Variants in F11 observed in about 807,000 individuals in gnomAD.
F11 encodes the protein coagualtion factor XI.
A neutral mutation model predicts 76.5 loss-of-function variants in F11; 78 were observed. The observed-to-expected ratio is 1.02, with a 90% CI of 0.85 to 1.23. The LOEUF is 1.23. F11 is among the 50% of genes most tolerant of loss of function. The pLI is 0.00. For missense variants in F11, 742 were observed against 771.4 expected (o/e 0.96, Z 0.45); for synonymous variants, 278 against 276.3 (o/e 1.01, Z -0.06).
intron 5 of F11, chr4:186,275,145 C>A (rs1740265973): frequency 4.4e-6 from 2 of 456,906 alleles, no homozygotes; most frequent in Non-Finnish European, 8.8e-6. Flanking sequence ...ATGTGAACTG[C>A]AAGACAAGAA....
chr4:186,284,010 TTTC>T (rs1740983356), intron 10 of F11, 79 bp from the exon 11 acceptor site: 3 of 1,608,628 alleles, frequency 1.9e-6, no homozygotes, highest in East Asian at 2.2e-5. Context: ...GAGGAAAGGT[TTTC>T]TTCTTGTTCC....
chr4:186,278,610 G>T (rs1740554667), intron 7 of F11, among the ~76,000 whole-genome samples: 1 of 152,178 alleles, frequency 6.6e-6, no homozygotes, highest in Admixed American at 6.5e-5. Context: ...ATAGCACCAA[G>T]ACTTTTGGCC....
chr4:186,284,153 GC>G lies in F11; in HGVS notation c.1199del (p.Pro400ArgfsTer4). 1 of 1,614,200 alleles carries G rather than the reference GC, an allele frequency of 6.2e-7. No homozygotes were observed. The highest frequency in any genetic ancestry group is 8.5e-7 in the Non-Finnish European group (1 of 1,180,040). ...GGTASVRGEW[P>X]WQVTLHTTSP... ...GAACTGCGTCTGTTCGTGGTGAGTG[GC>G]CGTGGCAGGTGACCCTGCACACAAC... On this transcript the variant is annotated frameshift_variant, in exon 11 of 15. Coordinates refer to ENST00000403665, the MANE Select transcript of F11 (RefSeq NM_000128.4). LOFTEE classifies it high-confidence loss of function.
intron 10 of F11, chr4:186,283,085 A>C (rs1296374245): frequency 1.0e-6 from 1 of 963,904 alleles, no homozygotes; most frequent in African/African-American, 1.8e-5. Flanking sequence ...CAGCACATTG[A>C]CATCACCTGG....
chr4:186,287,562 C>T (rs372721987), intron 13 of F11, 122 bp from the exon 14 acceptor site: 133 of 328,242 alleles, frequency 4.1e-4, no homozygotes, highest in East Asian at 7.2e-4. Context: ...CCAGCCTGGG[C>T]GACAGAAAGA....
intron 7 of F11, among the ~76,000 whole-genome samples, chr4:186,277,775 C>G (rs1176627415): frequency 6.6e-6 from 1 of 152,144 alleles, no homozygotes; most frequent in East Asian, 1.9e-4. Flanking sequence ...CAAAAGTACA[C>G]TAGCTAAGGT....
rs774841169 is a variant in F11, at chr4:186,276,226, C to T, written c.596-5C>T. The T allele has an allele frequency of 2.8e-5, 45 of 1,614,090 alleles. No individual in the cohort carries two copies. The highest frequency in any genetic ancestry group is 3.7e-5 in the Non-Finnish European group (44 of 1,180,006). The stretch of plus-strand genomic sequence containing the variant: ...AGTCCCTGACATAGTTCTTCCGTCG[C>T]GCAGCTTGTATTAGGGACATTTTCC... On this transcript the variant is annotated splice_polypyrimidine_tract_variant and splice_region_variant and intron_variant, in intron 6 of 14. Transcript: ENST00000403665.
At chr4:186,272,147 AAAAAG>A (rs1740022973) in intron 3 of F11, among the ~76,000 whole-genome samples, 1 of 152,172 alleles carries the variant, frequency 6.6e-6, no homozygotes, top group Non-Finnish European at 1.5e-5. Flanking sequence ...TAAAATATTT[AAAAAG>A]AAAATTTGAA....
chr4:186,270,415 T>C (rs1294637679), intron 2 of F11, among the ~76,000 whole-genome samples: 2 of 152,170 alleles, frequency 1.3e-5, no homozygotes, highest in South Asian at 4.1e-4. Context: ...AATGTTTATA[T>C]GTTTAGGGGG....
At chr4:186,282,130 A>C in intron 10 of F11, 1 of 1,154,004 alleles carries the variant, frequency 8.7e-7, no homozygotes. Flanking sequence ...TGTTGCTGTT[A>C]AGTAATGTTG....
In F11 at chr4:186,274,185, G is replaced by C; in HGVS notation, c.395G>C (p.Ser132Thr). 6.2e-7 allele frequency: 1 copy of C among 1,614,172 alleles called. No homozygotes were observed. Among genetic ancestry groups the C allele is most frequent in the Non-Finnish European group, 8.5e-7 (1 of 1,180,030 alleles). The change falls in exon 5 of 15, where the codon AGT becomes ACT. Residue 132 changes from serine to threonine, a missense_variant. Physicochemically the swap from Ser to Thr is moderately conservative, Grantham distance 58. Coordinates refer to ENST00000403665, the MANE Select transcript of F11 (RefSeq NM_000128.4). The part of the protein sequence containing the change: ...GINYNSSVAK[S>T]AQECQERCTD... ...AACTATAACAGCTCAGTTGCCAAGA[G>C]TGCTCAAGAATGCCAAGAAAGATGC...
chr4:186,279,988 C>G (rs1465459903), intron 7 of F11, 24 bp from the exon 8 acceptor site: 2 of 1,554,210 alleles, frequency 1.3e-6, no homozygotes, highest in East Asian at 4.5e-5. Flanking sequence ...TGATATATTT[C>G]TACTTCCCTT....
At chr4:186,282,181 T>A (rs937717058) in intron 10 of F11, 2 of 1,082,816 alleles carry the variant, frequency 1.8e-6, no homozygotes, top group African/African-American at 3.2e-5. Flanking sequence ...TATACCTCAA[T>A]ACATTGCAGA....
chr4:186,275,753 G>A (rs780379498), intron 5 of F11, 34 bp from the exon 6 acceptor site: 2 of 1,500,710 alleles, frequency 1.3e-6, no homozygotes, highest in Admixed American at 3.5e-5. Flanking sequence ...GCAGTTGGAA[G>A]AATAAGACAC....
chr4:186,278,358 T>C (rs1740536852), intron 7 of F11, among the ~76,000 whole-genome samples: 1 of 152,172 alleles, frequency 6.6e-6, no homozygotes, highest in African/African-American at 2.4e-5. Context: ...GTCTGTCACA[T>C]GAAAATATAT....
intron 8 of F11, 24 bp downstream of exon 8, chr4:186,280,145 G>T: frequency 6.2e-7 from 1 of 1,613,894 alleles, no homozygotes. Context: ...TCTGCATTCT[G>T]GCTGAGAGTG....
Position 186,274,262 on chromosome 4 carries a change from A to G in F11, c.472A>G (p.Ser158Gly). ...CACGTACGCCACAAGGCAGTTTCCC[A>G]GCCTGGAGCATCGGTGAGTGAGTCC... ...FFTYATRQFP[S>G]LEHRNICLLK... The change falls in exon 5 of 15, where the codon AGC becomes GGC. Residue 158 changes from serine (S) to glycine (G), a missense_variant. By Grantham distance (56) the Ser-to-Gly change is moderately conservative. Coordinates refer to ENST00000403665, the MANE Select transcript of F11 (RefSeq NM_000128.4). The G allele has an allele frequency of 1.9e-6, 3 of 1,614,236 alleles. No homozygotes were observed. The highest frequency in any genetic ancestry group is 2.5e-6 in the Non-Finnish European group (3 of 1,180,046).
intron 9 of F11, 28 bp downstream of exon 9, chr4:186,280,413 A>G (rs751386874): frequency 6.2e-7 from 1 of 1,614,022 alleles, no homozygotes; most frequent in South Asian, 1.1e-5. Flanking sequence ...TTATGCAGAC[A>G]CCCTTGTCCC....
At chr4:186,282,124 G>C (rs1011468072) in intron 10 of F11, 1 of 1,156,192 alleles carries the variant, frequency 8.6e-7, no homozygotes, top group South Asian at 1.8e-5. Flanking sequence ...AGCAAATGTT[G>C]CTGTTAAGTA....
Sources: gnomAD v4.1 joint callset for allele counts (sites outside exome capture counted in the v4.1 genomes callset) on GRCh38, gnomAD v4.1.1 for gene constraint, MANE v1.5 for transcripts, NCBI Gene and HGNC (gene_info 2026-07-23, HGNC 2026-07-21) for gene names.